The following SENP7 variants were observed in gnomAD, a reference collection of about 807,000 sequenced individuals.
The protein encoded by SENP7 is SUMO specific peptidase 7, also known as sentrin-specific protease 7.
Under a neutral mutation model 141.2 loss-of-function variants are expected in SENP7, and 64 were observed. The ratio of observed to expected loss-of-function variants is 0.45; its 90% CI spans 0.37 to 0.56. The LOEUF (loss-of-function observed/expected upper bound fraction) is 0.56. SENP7 is among the 20% of genes least tolerant of loss of function. The pLI is 0.00. For synonymous variants in SENP7, 382 were observed against 426.4 expected, an observed-to-expected ratio of 0.90 and a Z score of 1.28; for missense variants, 1,025 against 1,212.2, an observed-to-expected ratio of 0.85 and a Z score of 2.29.
chr3:101,459,545 A>G (rs1241949714), intron 3 of SENP7, among the ~76,000 whole-genome samples: 2 of 152,212 alleles, frequency 1.3e-5, no homozygotes, highest in African/African-American at 4.8e-5. Context: ...TTTAATACAC[A>G]GTGTTAGCCT....
At chr3:101,371,164 C>T (rs2060168921) in intron 7 of SENP7, among the ~76,000 whole-genome samples, 1 of 152,052 alleles carries the variant, frequency 6.6e-6, no homozygotes, top group Admixed American at 6.6e-5. Flanking sequence ...TGGTGCATGA[C>T]TATAGTCTCA....
At chr3:101,446,360 A>G (rs925885973) in intron 4 of SENP7, among the ~76,000 whole-genome samples, 1 of 152,312 alleles carries the variant, frequency 6.6e-6, no homozygotes, top group Non-Finnish European at 1.5e-5. Context: ...TTTGAACACT[A>G]AACAGATCAT....
chr3:101,457,091 A>G, intron 4 of SENP7: 1 of 590,830 alleles, frequency 1.7e-6, no homozygotes, highest in Non-Finnish European at 3.0e-6. Flanking sequence ...ACCTGAAAAG[A>G]GCTGCAGTGT....
intron 4 of SENP7, among the ~76,000 whole-genome samples, chr3:101,424,611 CAGAG>C (rs1410166930): frequency 6.6e-6 from 1 of 152,102 alleles, no homozygotes. Context: ...CTACAGCGCA[CAGAG>C]AAAGCACAAA....
chr3:101,469,150 CAAG>C (rs1377908816), intron 3 of SENP7, among the ~76,000 whole-genome samples: 2 of 152,080 alleles, frequency 1.3e-5, no homozygotes, highest in African/African-American at 4.8e-5. Context: ...ATCAATTCAA[CAAG>C]AAGAGCTAAC....
chr3:101,349,980 G>A (rs990707656), intron 12 of SENP7, among the ~76,000 whole-genome samples: 5 of 152,164 alleles, frequency 3.3e-5, no homozygotes, highest in African/African-American at 1.2e-4. Flanking sequence ...TAAAATGTAA[G>A]CAGAAAAGGT....
rs1381860149 is a variant in SENP7 at position 101,433,847 on chromosome 3, C to T, written c.285-16057G>A. 2.0e-4 allele frequency among the ~76,000 whole-genome samples: 31 copies of T among 152,092 alleles called. 2 individuals are homozygous for T. The highest frequency in any genetic ancestry group is 2.0e-3 in the Admixed American group (31 of 15,258). On this transcript the variant is annotated intron_variant, in intron 4 of 23. Transcript: ENST00000394095. ...GGAGACTTCAGCACCCCACTTTCAGCACTGGACAGATCTTCCAGACAGAAA... is the reference window on the plus strand; with the variant it reads ...GGAGACTTCAGCACCCCACTTTCAGTACTGGACAGATCTTCCAGACAGAAA...
intron 3 of SENP7, among the ~76,000 whole-genome samples, chr3:101,482,407 G>C (rs2064530863): frequency 6.6e-6 from 1 of 151,764 alleles, no homozygotes; most frequent in Non-Finnish European, 1.5e-5. Flanking sequence ...TGTGATGAAA[G>C]AAATCAAAGA....
rs1255474566 is a variant in SENP7 at position 101,507,203 on chromosome 3, T to G, written c.40+5888A>C. 2.0e-5 allele frequency among the ~76,000 whole-genome samples: 3 copies of G among 152,322 alleles called. No individual in the cohort carries two copies. In the East Asian group the frequency reaches 5.8e-4, roughly 29 times the overall value. The stretch of plus-strand genomic sequence containing the variant: ...ATGAAGCAGACCACATCAGCCAGAT[T>G]CATAAATTACTGAAAACCCAAATGA... On this transcript the variant is annotated intron_variant, in intron 1 of 23. Coordinates refer to ENST00000394095, the MANE Select transcript of SENP7 (RefSeq NM_020654.5).
intron 4 of SENP7, among the ~76,000 whole-genome samples, chr3:101,430,931 G>A (rs528767398): frequency 6.6e-6 from 1 of 152,222 alleles, no homozygotes; most frequent in African/African-American, 2.4e-5. Flanking sequence ...CCTTCATTTC[G>A]TTATTTACCC....
intron 4 of SENP7, among the ~76,000 whole-genome samples, chr3:101,419,475 C>G (rs1405474244): frequency 6.6e-6 from 1 of 152,098 alleles, no homozygotes; most frequent in Non-Finnish European, 1.5e-5. Context: ...GAGATGATGA[C>G]TTTATCAGAG....
In SENP7 at chr3:101,501,518, G is replaced by C. The variant is rs185965518; in HGVS notation, c.41-399C>G. ...GCAGGTGAAATTCTAGAAGTTAGAA[G>C]TTGAGAATATTCTATAAAAACACTT... On this transcript the variant is annotated intron_variant, in intron 1 of 23. Coordinates refer to ENST00000394095, the MANE Select transcript of SENP7 (RefSeq NM_020654.5). Among the ~76,000 whole-genome samples, 145 of 152,208 alleles carry C rather than the reference G, an allele frequency of 9.5e-4. 1 individual carries two copies. The highest frequency in any genetic ancestry group is 1.6e-3 in the Non-Finnish European group (112 of 68,012).
chr3:101,418,948 T>C (rs527635528), intron 4 of SENP7, among the ~76,000 whole-genome samples: 2 of 152,204 alleles, frequency 1.3e-5, no homozygotes, highest in Non-Finnish European at 2.9e-5. Context: ...ATCTGGAGTT[T>C]CAGCTACAAA....
At chr3:101,461,738 A>G (rs2063554079) in intron 3 of SENP7, among the ~76,000 whole-genome samples, 1 of 152,228 alleles carries the variant, frequency 6.6e-6, no homozygotes, top group African/African-American at 2.4e-5. Flanking sequence ...GCATTATTCA[A>G]TAACAGAAAA....
At chr3:101,442,311 G>A (rs149232009) in intron 4 of SENP7, among the ~76,000 whole-genome samples, 22 of 152,242 alleles carry the variant, frequency 1.4e-4, no homozygotes, top group African/African-American at 3.9e-4. Flanking sequence ...CACAGACCAC[G>A]GGATGGCAGG....
chr3:101,458,078 GCAT>G (rs2063417706), intron 4 of SENP7, among the ~76,000 whole-genome samples: 1 of 152,136 alleles, frequency 6.6e-6, no homozygotes, highest in Non-Finnish European at 1.5e-5. Flanking sequence ...AAGGATGAAA[GCAT>G]CATCATTGCA....
chr3:101,360,997 A>G (rs1576085179), intron 11 of SENP7, among the ~76,000 whole-genome samples: 1 of 152,226 alleles, frequency 6.6e-6, no homozygotes, highest in South Asian at 2.1e-4. Context: ...TGAGGCCAAG[A>G]GTTCAAGACC....
intron 1 of SENP7, among the ~76,000 whole-genome samples, chr3:101,503,045 A>G (rs985025754): frequency 2.0e-5 from 3 of 152,218 alleles, no homozygotes; most frequent in African/African-American, 7.2e-5. Context: ...CAGAATATAT[A>G]AAGAACTCCT....
At chr3:101,496,128 G>T (rs910885292) in intron 2 of SENP7, among the ~76,000 whole-genome samples, 9 of 152,148 alleles carry the variant, frequency 5.9e-5, no homozygotes, top group African/African-American at 1.9e-4. Context: ...TAAACTAGAA[G>T]GATACACACC....
Sources: gnomAD v4.1 joint callset for allele counts (sites outside exome capture counted in the v4.1 genomes callset) on GRCh38, gnomAD v4.1.1 for gene constraint, MANE v1.5 for transcripts, NCBI Gene and HGNC (gene_info 2026-07-23, HGNC 2026-07-21) for gene names.